Variants in LBR observed in about 807,000 individuals in gnomAD.
The protein encoded by LBR is delta(14)-sterol reductase LBR.
Under a neutral mutation model 74.3 loss-of-function variants are expected in LBR, and 28 were observed. That is an observed-to-expected ratio of 0.38 (90% CI 0.28 to 0.52). The LOEUF (loss-of-function observed/expected upper bound fraction) is 0.52, where lower values mean the gene tolerates loss of function less well. Among genes scored for constraint, LBR ranks in the 20% least tolerant of loss-of-function variants. The pLI, the probability that LBR is intolerant of heterozygous loss-of-function variation, is 0.89. For missense variants in LBR, 717 were observed against 760.3 expected, an observed-to-expected ratio of 0.94 and a Z score of 0.67; for synonymous variants, 228 against 269.3, an observed-to-expected ratio of 0.85 and a Z score of 1.50.
At position 225,420,309 on chromosome 1, in the gene LBR, C is replaced by CAA. The variant is rs35741344; in HGVS notation, c.367-513_367-512dup. On this transcript the variant is annotated intron_variant, in intron 3 of 13. Transcript: ENST00000272163. ...GGGCAACAAGAATGAAACTCCGCCT[C>CAA]AAAAAAAAAAAAAACAACTTTGATC... Among the ~76,000 whole-genome samples, 291 of 134,566 alleles carry CAA rather than the reference C, an allele frequency of 2.2e-3. 2 individuals are homozygous for CAA. The highest frequency in any genetic ancestry group is 8.8e-3 in the East Asian group (42 of 4,782). The allele number at this position is 134,566 out of a possible 152,430, so 88.3% of individuals were successfully genotyped here.
chr1:225,428,277 A>AC (rs1164244087), upstream of LBR, among the ~76,000 whole-genome samples: 1 of 151,920 alleles, frequency 6.6e-6, no homozygotes, highest in African/African-American at 2.4e-5. Context: ...AGCGGGGGAA[A>AC]CCGAGTCTGG....
intron 10 of LBR, among the ~76,000 whole-genome samples, chr1:225,408,628 T>C (rs779982959): frequency 6.6e-6 from 1 of 152,264 alleles, no homozygotes; most frequent in East Asian, 1.9e-4. Context: ...CATCTGCTAA[T>C]TGCCCAGTGG....
chr1:225,419,771 A>T lies in LBR; in HGVS notation c.394T>A (p.Tyr132Asn), dbSNP rs572094033. 6.2e-7 allele frequency: 1 copy of T among 1,612,060 alleles called. No homozygotes were observed. Among genetic ancestry groups the T allele is most frequent in the East Asian group, 2.2e-5 (1 of 44,832 alleles). Residue 132 changes from tyrosine to asparagine, a missense_variant, in exon 4 of 14, where the codon TAT (tyrosine) becomes AAT (asparagine). Transcript: ENST00000272163. ...TCAATATGCTCAGGCTCCCCATTAT[A>T]TCTGCTGATGCTATTTCCAAATGGC... ...LKPFGNSISR[Y>N]NGEPEHIERN...
chr1:225,419,733 T>C lies in LBR; in HGVS notation c.432A>G (p.Ala144=). The C allele has an allele frequency of 6.2e-7, 1 of 1,611,034 alleles. No individual in the cohort carries two copies. The highest frequency in any genetic ancestry group is 2.2e-5 in the East Asian group (1 of 44,800). Residue 144 remains alanine (A), a synonymous_variant, in exon 4 of 14, where the codon GCA becomes GCG. Transcript: ENST00000272163. ...GEPEHIERND[A]PHKNTQEKFS... ...TTCCCACCTGTGTATTTTTATGAGG[T>C]GCGTCATTTCTCTCAATATGCTCAG...
intron 6 of LBR, among the ~76,000 whole-genome samples, chr1:225,416,516 A>G (rs1575226200): frequency 6.6e-6 from 1 of 152,340 alleles, no homozygotes; most frequent in East Asian, 1.9e-4. Context: ...CTCCTCTCCC[A>G]AGAGAAACGT....
At chr1:225,410,716 G>T (rs2096103234) in intron 9 of LBR, among the ~76,000 whole-genome samples, 2 of 152,220 alleles carry the variant, frequency 1.3e-5, no homozygotes, top group Admixed American at 1.3e-4. Context: ...CTTCCAAAAA[G>T]TATCAAGGTC....
chr1:225,413,276 T>A (rs1459764822), intron 7 of LBR, among the ~76,000 whole-genome samples: 1 of 152,190 alleles, frequency 6.6e-6, no homozygotes, highest in Non-Finnish European at 1.5e-5. Flanking sequence ...GGCGGGGACA[T>A]TCACGTGCAA....
chr1:225,415,401 C>T lies in LBR; in HGVS notation c.838-69G>A, dbSNP rs6702433. The T allele has an allele frequency of 0.8, 603,880 of 753,940 alleles. 247,438 individuals carry two copies. Among genetic ancestry groups the T allele is most frequent in the East Asian group, 0.96 (35,228 of 36,720 alleles). 46.7% of individuals were successfully genotyped at this position (753,940 alleles called of 1,614,324 possible). On this transcript the variant is annotated intron_variant, in intron 6 of 13. Transcript: ENST00000272163. ...TCATATATACATATATACACACACACATATATATATTCTAGTATCACTTAA... is the reference window on the plus strand; with the variant it reads ...TCATATATACATATATACACACACATATATATATATTCTAGTATCACTTAA...
chr1:225,405,436 G>C (rs538476235), intron 11 of LBR, among the ~76,000 whole-genome samples: 1 of 152,302 alleles, frequency 6.6e-6, no homozygotes, highest in Non-Finnish European at 1.5e-5. Flanking sequence ...TTTAAGAGAT[G>C]ATTAGGTCAT....
intron 1 of LBR, 68 bp from the exon 2 acceptor site, chr1:225,424,157 G>A (rs572345519): frequency 1.5e-5 from 18 of 1,176,534 alleles, no homozygotes; most frequent in Middle Eastern, 1.9e-4. Flanking sequence ...TTTTTCCACA[G>A]GCTGATCACT....
At chr1:225,416,602 C>G (rs918237633) in intron 6 of LBR, among the ~76,000 whole-genome samples, 1 of 152,148 alleles carries the variant, frequency 6.6e-6, no homozygotes, top group African/African-American at 2.4e-5. Flanking sequence ...TTAAAGGAGT[C>G]TAGTAAATGC....
Position 225,403,481 on chromosome 1 carries a change from A to G in LBR, c.1688-18T>C, listed in dbSNP as rs374701680. 4 of 1,556,918 alleles carry G rather than the reference A, an allele frequency of 2.6e-6. No homozygotes were observed. The African/African-American group carries it at 4.1e-5, about 16-fold the overall frequency. On this transcript the variant is annotated intron_variant, in intron 13 of 13. Coordinates refer to ENST00000272163, the MANE Select transcript of LBR (RefSeq NM_002296.4). ...GTTAAAACCTGTGGATAATAATAGT[A>G]CACAGTATTAGATATTTTTATTATC...
chr1:225,423,756 A>G (rs1038458448), intron 2 of LBR, among the ~76,000 whole-genome samples, 155 bp downstream of exon 2: 3 of 152,324 alleles, frequency 2.0e-5, no homozygotes, highest in Non-Finnish European at 2.9e-5. Context: ...TCATTCATAC[A>G]TTCCCAGAGC....
intron 2 of LBR, among the ~76,000 whole-genome samples, chr1:225,422,619 A>C (rs2096129862): frequency 6.6e-6 from 1 of 152,260 alleles, no homozygotes; most frequent in South Asian, 2.1e-4. Flanking sequence ...GGACAAAATA[A>C]ATAAGCACAC....
intron 5 of LBR, 130 bp downstream of exon 5, chr1:225,419,133 C>T (rs1049728766): frequency 2.3e-6 from 2 of 857,978 alleles, no homozygotes; most frequent in Non-Finnish European, 3.9e-6. Context: ...AAGGCTCTTC[C>T]ACAGGTTCCC....
At chr1:225,406,011 A>AC (rs1382500601) in intron 11 of LBR, among the ~76,000 whole-genome samples, 2 of 152,092 alleles carry the variant, frequency 1.3e-5, no homozygotes, top group Non-Finnish European at 2.9e-5. Context: ...TCCATGACTG[A>AC]CCCTGGTGGA....
rs943153158 is a variant in LBR at position 225,418,065 on chromosome 1, C to T, written c.756G>A (p.Glu252=). The change falls in exon 6 of 14, where the codon GAG becomes GAA. Residue 252 remains glutamate (E), a synonymous_variant. Coordinates refer to ENST00000272163, the MANE Select transcript of LBR (RefSeq NM_002296.4). ...CCCCAAATACTCTGGTTTCCCATAA[C>T]TCATACAAAGCTGGCAAAGGAGGAG... ...NFPPPLPALY[E]LWETRVFGVY... The T allele has an allele frequency of 1.2e-6, 2 of 1,614,206 alleles. No individual in the cohort carries two copies. The highest frequency in any genetic ancestry group is 1.7e-6 in the Non-Finnish European group (2 of 1,180,034).
intron 10 of LBR, among the ~76,000 whole-genome samples, chr1:225,408,042 T>TTCAATA (rs1423279307): frequency 6.6e-6 from 1 of 152,206 alleles, no homozygotes; most frequent in Admixed American, 6.5e-5. Context: ...GTTAGGAATA[T>TTCAATA]TCAATATCCT....
intron 3 of LBR, 88 bp downstream of exon 3, chr1:225,421,989 C>T: frequency 7.8e-7 from 1 of 1,277,718 alleles, no homozygotes. Context: ...GTTTCAGTGA[C>T]ATTTTAATAT....
Sources: allele counts gnomAD v4.1 joint callset (sites outside exome capture counted in the v4.1 genomes callset), GRCh38; gene constraint gnomAD v4.1.1; transcripts MANE v1.5; gene names NCBI Gene and HGNC (gene_info 2026-07-23, HGNC 2026-07-21).